Variants in LPP observed in about 807,000 individuals in gnomAD.
LPP encodes the protein LIM domain containing preferred translocation partner in lipoma.
A neutral mutation model predicts 60.4 loss-of-function variants in LPP; 38 were observed. The ratio of observed to expected loss-of-function variants is 0.63; its 90% confidence interval spans 0.49 to 0.83. The LOEUF (loss-of-function observed/expected upper bound fraction) is 0.83. Among genes scored for constraint, LPP ranks in the 40% least tolerant of loss-of-function variants. The pLI is 0.00. For missense variants in LPP, 902 were observed against 783.6 expected (o/e 1.15, Z -1.80); for synonymous variants, 328 against 290.8 (o/e 1.13, Z -1.30).
At chr3:188,759,303 C>T (rs573784778) in intron 8 of LPP, 6 of 152,330 alleles carry the variant, frequency 3.9e-5, no homozygotes, top group African/African-American at 9.6e-5. Context: ...GCTGGAGCTT[C>T]GCAGAATACT....
intron 1 of LPP, among the ~76,000 whole-genome samples, chr3:188,157,491 G>A (rs1434056795): frequency 2.0e-5 from 3 of 152,146 alleles, no homozygotes; most frequent in South Asian, 4.1e-4. Flanking sequence ...TAAGAACTGT[G>A]TAGCCCCCTT....
intron 5 of LPP, among the ~76,000 whole-genome samples, chr3:188,498,624 T>C (rs532231365): frequency 3.6e-4 from 55 of 152,316 alleles, no homozygotes; most frequent in African/African-American, 1.3e-3. Context: ...TAAGTATGGG[T>C]GTAGAAATCA....
chr3:188,442,370 G>A (rs939821245), intron 4 of LPP, among the ~76,000 whole-genome samples: 3 of 152,066 alleles, frequency 2.0e-5, no homozygotes, highest in Admixed American at 6.6e-5. Context: ...GAGAACATGC[G>A]GTCAACATAA....
intron 6 of LPP, among the ~76,000 whole-genome samples, chr3:188,542,894 T>C (rs561399921): frequency 3.3e-5 from 5 of 152,306 alleles, no homozygotes; most frequent in African/African-American, 1.2e-4. Context: ...TGCCTTCCAC[T>C]CTCAATGTCT....
intron 2 of LPP, among the ~76,000 whole-genome samples, chr3:188,268,766 A>T (rs969150304): frequency 3.3e-5 from 5 of 152,252 alleles, no homozygotes; most frequent in African/African-American, 4.8e-5. Flanking sequence ...GTGCCATATC[A>T]TTCATTCTCC....
chr3:188,455,893 T>TAAA (rs1560427387), intron 4 of LPP, among the ~76,000 whole-genome samples: 1 of 152,042 alleles, frequency 6.6e-6, no homozygotes, highest in East Asian at 1.9e-4. Flanking sequence ...AAAAAAAAAT[T>TAAA]TTTTTATTTG....
intron 4 of LPP, among the ~76,000 whole-genome samples, chr3:188,408,029 C>T (rs1437404533): frequency 6.6e-6 from 1 of 152,088 alleles, no homozygotes; most frequent in Non-Finnish European, 1.5e-5. Flanking sequence ...CTCAGGTGAT[C>T]TGCCAGCCTC....
intron 4 of LPP, among the ~76,000 whole-genome samples, chr3:188,462,531 A>T (rs1799203378): frequency 8.2e-6 from 1 of 121,646 alleles, no homozygotes. Flanking sequence ...AATTTAGCCA[A>T]TTTATATGAG....
intron 6 of LPP, among the ~76,000 whole-genome samples, chr3:188,576,240 A>C (rs1434371237): frequency 6.6e-6 from 1 of 152,154 alleles, no homozygotes; most frequent in Admixed American, 6.5e-5. Flanking sequence ...CATTTCCTTT[A>C]AGTACACAGA....
chr3:188,491,703 C>G (rs1422214490), intron 5 of LPP, among the ~76,000 whole-genome samples: 1 of 152,196 alleles, frequency 6.6e-6, no homozygotes, highest in East Asian at 1.9e-4. Context: ...GTCATTGTGA[C>G]TTTCTAGAAG....
chr3:188,858,761 A>G (rs1764426474), intron 9 of LPP, among the ~76,000 whole-genome samples: 1 of 152,092 alleles, frequency 6.6e-6, no homozygotes, highest in Non-Finnish European at 1.5e-5. Context: ...TTTTATTTTG[A>G]TAGTAACACA....
At chr3:188,448,662 C>T (rs1275119768) in intron 4 of LPP, among the ~76,000 whole-genome samples, 4 of 152,028 alleles carry the variant, frequency 2.6e-5, no homozygotes, top group African/African-American at 4.8e-5. Context: ...CTAATCTCAC[C>T]TCTGGAAATT....
chr3:188,783,843 T>C (rs1426274343), intron 9 of LPP, among the ~76,000 whole-genome samples: 2 of 117,628 alleles, frequency 1.7e-5, no homozygotes, highest in Admixed American at 8.7e-5. Flanking sequence ...ACCGTGAGTC[T>C]AATCAGTGTT....
intron 4 of LPP, among the ~76,000 whole-genome samples, chr3:188,411,403 A>T (rs191146848): frequency 6.6e-6 from 1 of 152,318 alleles, no homozygotes; most frequent in East Asian, 1.9e-4. Flanking sequence ...CAGCAATCCC[A>T]CTACTGGGTA....
chr3:188,667,525 G>C (rs1409970647), intron 7 of LPP, among the ~76,000 whole-genome samples: 1 of 150,944 alleles, frequency 6.6e-6, no homozygotes, highest in Non-Finnish European at 1.5e-5. Context: ...ATTCCCTTTT[G>C]ACAGCTCCCA....
Position 188,472,119 on chromosome 3 carries a change from T to C in LPP, c.194-12473T>C, listed in dbSNP as rs893443632. Among the ~76,000 whole-genome samples the C allele has an allele frequency of 3.3e-5, 5 of 152,306 alleles. No individual in the cohort carries two copies. The East Asian group carries it at 7.7e-4, about 24-fold the overall frequency. On this transcript the variant is annotated intron_variant, in intron 4 of 11. Coordinates refer to ENST00000617246, the MANE Select transcript of LPP (RefSeq NM_001375462.1). ...AAATCACTAAAATTACTAATTGCTA[T>C]TCCTTACACATCAAAGAGTGAATCC... is the stretch of plus-strand genomic sequence containing the variant.
intron 1 of LPP, among the ~76,000 whole-genome samples, chr3:188,166,725 G>A (rs1037710268): frequency 5.3e-5 from 8 of 152,090 alleles, no homozygotes; most frequent in Admixed American, 4.6e-4. Flanking sequence ...CTCTGAGTCC[G>A]GCTCTAGCTT....
chr3:188,689,539 A>G (rs893449639), intron 7 of LPP, among the ~76,000 whole-genome samples: 1 of 152,076 alleles, frequency 6.6e-6, no homozygotes, highest in Non-Finnish European at 1.5e-5. Context: ...TAGATTCCAC[A>G]CTTGAGTGAG....
chr3:188,249,199 G>A (rs985024780), intron 2 of LPP, among the ~76,000 whole-genome samples: 1 of 152,128 alleles, frequency 6.6e-6, no homozygotes, highest in East Asian at 1.9e-4. Flanking sequence ...AGGAGTTTGA[G>A]TGGAGTGGTC....
Sources: gnomAD v4.1 joint callset for allele counts (sites outside exome capture counted in the v4.1 genomes callset) on GRCh38, gnomAD v4.1.1 for gene constraint, MANE v1.5 for transcripts, NCBI Gene and HGNC (gene_info 2026-07-23, HGNC 2026-07-21) for gene names.